Variants in GTF2A1L observed in about 807,000 individuals in gnomAD.
GTF2A1L encodes TFIIA-alpha and beta-like factor.
Under a neutral mutation model 49.7 loss-of-function variants are expected in GTF2A1L, and 48 were observed. The ratio of observed to expected loss-of-function variants is 0.97; its 90% CI spans 0.77 to 1.23. GTF2A1L has a LOEUF of 1.23. Among genes scored for constraint, GTF2A1L ranks in the 50% most tolerant of loss-of-function variants. The pLI, the probability that GTF2A1L is intolerant of heterozygous loss-of-function variation, is 0.00. For missense variants in GTF2A1L, 736 were observed against 564.8 expected (o/e 1.30, Z -3.07); for synonymous variants, 246 against 193.5 (o/e 1.27, Z -2.25).
At chr2:48,651,671 A>G (rs1251272415) in intron 6 of GTF2A1L, among the ~76,000 whole-genome samples, 3 of 152,162 alleles carry the variant, frequency 2.0e-5, no homozygotes, top group African/African-American at 4.8e-5. Context: ...ACTCAAATAT[A>G]TTAGAGCCAC....
At chr2:48,677,025 T>G (rs572763344) in intron 8 of GTF2A1L, among the ~76,000 whole-genome samples, 24 of 152,046 alleles carry the variant, frequency 1.6e-4, no homozygotes, top group African/African-American at 5.3e-4. Context: ...GCTACTGCAT[T>G]TCTAAATGTA....
intron 6 of GTF2A1L, among the ~76,000 whole-genome samples, chr2:48,667,283 A>G (rs1222235512): frequency 2.0e-5 from 3 of 152,116 alleles, no homozygotes; most frequent in Admixed American, 1.3e-4. Context: ...TGAATGTCAG[A>G]CATCTTATAT....
intron 6 of GTF2A1L, among the ~76,000 whole-genome samples, chr2:48,668,980 A>G (rs1337561570): frequency 1.3e-5 from 2 of 152,310 alleles, no homozygotes; most frequent in East Asian, 1.9e-4. Context: ...AGAGGTGATT[A>G]CTAAATTTCC....
At chr2:48,622,076 A>G (rs1676032873) in intron 3 of GTF2A1L, among the ~76,000 whole-genome samples, 1 of 152,174 alleles carries the variant, frequency 6.6e-6, no homozygotes, top group African/African-American at 2.4e-5. Flanking sequence ...GTGAGGGTAG[A>G]TTTTGGATTG....
At chr2:48,618,891 G>T (rs1297635909) in intron 1 of GTF2A1L, among the ~76,000 whole-genome samples, 1 of 152,170 alleles carries the variant, frequency 6.6e-6, no homozygotes, top group Non-Finnish European at 1.5e-5. Flanking sequence ...GAAAAACTGT[G>T]TTCTAATGGG....
At chr2:48,666,539 G>A (rs1198520773) in intron 6 of GTF2A1L, among the ~76,000 whole-genome samples, 1 of 151,684 alleles carries the variant, frequency 6.6e-6, no homozygotes, top group African/African-American at 2.4e-5. Context: ...TAAATGAGAT[G>A]TTTAGGCCAT....
intron 6 of GTF2A1L, among the ~76,000 whole-genome samples, chr2:48,669,068 C>T (rs980454735): frequency 4.6e-5 from 7 of 152,046 alleles, no homozygotes; most frequent in Admixed American, 2.0e-4. Context: ...TTTAGGTGTA[C>T]ATTTCAGTGG....
intron 6 of GTF2A1L, among the ~76,000 whole-genome samples, chr2:48,650,215 T>C (rs553719925): frequency 6.6e-6 from 1 of 152,316 alleles, no homozygotes; most frequent in African/African-American, 2.4e-5. Flanking sequence ...TCGTGTGTAG[T>C]GGAGTATAAG....
At chr2:48,674,586 A>C (rs1240466769) in intron 8 of GTF2A1L, among the ~76,000 whole-genome samples, 1 of 152,168 alleles carries the variant, frequency 6.6e-6, no homozygotes, top group Non-Finnish European at 1.5e-5. Flanking sequence ...TCTTAGTTTG[A>C]AACTTGTTTT....
chr2:48,677,982 T>C (rs1213818246), intron 8 of GTF2A1L, among the ~76,000 whole-genome samples: 1 of 69,762 alleles, frequency 1.4e-5, no homozygotes, highest in Non-Finnish European at 3.4e-5. Flanking sequence ...GAGATGGGTG[T>C]GTGTGTGTGT....
At chr2:48,655,681 C>T (rs1200736484) in intron 6 of GTF2A1L, among the ~76,000 whole-genome samples, 1 of 152,142 alleles carries the variant, frequency 6.6e-6, no homozygotes, top group Non-Finnish European at 1.5e-5. Flanking sequence ...TGCTAAAGTA[C>T]ACATAAAATT....
Position 48,618,912 on chromosome 2 carries a change from C to A in GTF2A1L, c.21+1017C>A, listed in dbSNP as rs144123764. ...CTGTGTTCTAATGGGTACTTTTTGA[C>A]TACTGCTGTGTTAAGATTTTTTAGA... On this transcript the variant is annotated intron_variant, in intron 1 of 8. Coordinates refer to ENST00000403751, the MANE Select transcript of GTF2A1L (RefSeq NM_006872.5). 6.8e-3 allele frequency among the ~76,000 whole-genome samples: 1,035 copies of A among 152,268 alleles called. 7 individuals carry two copies. The highest frequency in any genetic ancestry group is 0.012 in the Non-Finnish European group (787 of 68,024).
intron 8 of GTF2A1L, among the ~76,000 whole-genome samples, chr2:48,674,379 T>A (rs200472363): frequency 6.6e-6 from 1 of 152,186 alleles, no homozygotes; most frequent in Non-Finnish European, 1.5e-5. Flanking sequence ...TTAGCCTTTT[T>A]TTTTTCCAGT....
intron 1 of GTF2A1L, 22 bp downstream of exon 1, chr2:48,617,917 G>A (rs1450053749): frequency 6.4e-7 from 1 of 1,551,684 alleles, no homozygotes; most frequent in Non-Finnish European, 8.7e-7. Flanking sequence ...CTCAGGCTCT[G>A]TGTAGAGGGA....
Position 48,646,886 on chromosome 2 carries a change from G to A in GTF2A1L, c.822G>A (p.Leu274=). 1 of 1,614,146 alleles carries A rather than the reference G, an allele frequency of 6.2e-7. No individual in the cohort carries two copies. ...LSGSASMAQN[L]HDESLSTSPH... ...GTTCAGCTAGCATGGCTCAAAATCTGCATGATGAGTCCCTCTCCACAAGCC... is the reference window on the plus strand; with the variant it reads ...GTTCAGCTAGCATGGCTCAAAATCTACATGATGAGTCCCTCTCCACAAGCC... The change falls in exon 6 of 9, where the codon CTG becomes CTA. Residue 274 remains leucine, a synonymous_variant. Coordinates refer to ENST00000403751, the MANE Select transcript of GTF2A1L (RefSeq NM_006872.5).
At chr2:48,671,466 A>C (rs1679162685) in intron 7 of GTF2A1L, 125 bp from the exon 8 acceptor site, 2 of 901,556 alleles carry the variant, frequency 2.2e-6, no homozygotes, top group Non-Finnish European at 3.2e-6. Flanking sequence ...GGCCTCCCGT[A>C]GTGCTGGGAT....
intron 8 of GTF2A1L, 45 bp downstream of exon 8, chr2:48,671,725 A>G (rs1679181034): frequency 6.5e-7 from 1 of 1,534,338 alleles, no homozygotes; most frequent in Non-Finnish European, 8.9e-7. Context: ...AACTGCATTT[A>G]TAGTAGAAAG....
chr2:48,646,373 A>G, intron 5 of GTF2A1L, 80 bp from the exon 6 acceptor site: 1 of 1,047,520 alleles, frequency 9.5e-7, no homozygotes, highest in Non-Finnish European at 1.3e-6. Flanking sequence ...TGTGGATGAG[A>G]TTTTTTTTTT....
chr2:48,658,518 G>A (rs1488118753), intron 6 of GTF2A1L, among the ~76,000 whole-genome samples: 1 of 151,982 alleles, frequency 6.6e-6, no homozygotes, highest in African/African-American at 2.4e-5. Flanking sequence ...TATAATATGG[G>A]TTGAAGTTAG....
Sources: allele counts gnomAD v4.1 joint callset (sites outside exome capture counted in the v4.1 genomes callset), GRCh38; gene constraint gnomAD v4.1.1; transcripts MANE v1.5; gene names NCBI Gene and HGNC (gene_info 2026-07-23, HGNC 2026-07-21).